TEX48: variants seen among roughly 807,000 people sequenced by gnomAD.
TEX48 encodes testis-expressed protein 48.
Under a neutral mutation model 13.2 loss-of-function variants are expected in TEX48, and 10 were observed. The ratio of observed to expected loss-of-function variants is 0.75; its 90% CI spans 0.47 to 1.28. The LOEUF is 1.28. Among genes scored for constraint, TEX48 ranks in the 50% most tolerant of loss-of-function variants. The pLI is 0.00. For missense variants in TEX48, 116 were observed against 139.4 expected, an observed-to-expected ratio of 0.83 and a Z score of 0.84; for synonymous variants, 45 against 52.3, an observed-to-expected ratio of 0.86 and a Z score of 0.60.
At chr9:114,667,388 T>C (rs78502077) in intron 4 of TEX48, among the ~76,000 whole-genome samples, 19,690 of 152,174 alleles carry the variant, frequency 0.13, 1,485 homozygotes, top group South Asian at 0.25. Context: ...GCCACTGTCC[T>C]GGGATTGGGC....
At chr9:114,671,883 C>A in intron 1 of TEX48, 56 bp from the exon 2 acceptor site, 1 of 747,998 alleles carries the variant, frequency 1.3e-6, no homozygotes, top group Non-Finnish European at 2.2e-6. Flanking sequence ...TGTGTTCACA[C>A]TCCAGATAGG....
intron 1 of TEX48, among the ~76,000 whole-genome samples, chr9:114,679,671 C>T (rs994539829): frequency 3.9e-5 from 6 of 152,156 alleles, no homozygotes; most frequent in Non-Finnish European, 8.8e-5. Flanking sequence ...GCATGATTCT[C>T]CAGCACCCAC....
chr9:114,673,491 A>G (rs1228751854), intron 1 of TEX48, among the ~76,000 whole-genome samples: 1 of 150,802 alleles, frequency 6.6e-6, no homozygotes, highest in Non-Finnish European at 1.5e-5. Flanking sequence ...AAAAGAAAAG[A>G]AAAGAAAATC....
chr9:114,676,084 T>G (rs58007505), intron 1 of TEX48, among the ~76,000 whole-genome samples: 2 of 152,214 alleles, frequency 1.3e-5, no homozygotes, highest in Admixed American at 6.5e-5. Context: ...TAATAAACAC[T>G]TGTTGAAACG....
In TEX48 at chr9:114,666,542, C is replaced by T; in HGVS notation, c.*101G>A. ...ACAAGGATGGCTCAGATGTCTTCTC[C>T]TCCTTCAGGGGAGTTTCCGAATTAG... is the stretch of plus-strand genomic sequence containing the variant. On this transcript the variant is annotated 3_prime_UTR_variant, in exon 5 of 5. Coordinates refer to ENST00000436752, the MANE Select transcript of TEX48 (RefSeq NM_001199233.2). 3 of 659,134 alleles carry T rather than the reference C, an allele frequency of 4.6e-6. No homozygotes were observed. The highest frequency in any genetic ancestry group is 7.6e-6 in the Non-Finnish European group (3 of 397,306). The allele number at this position is 659,134 out of a possible 1,614,324, so 40.8% of individuals were successfully genotyped here.
chr9:114,679,222 G>A (rs575314404), intron 1 of TEX48, among the ~76,000 whole-genome samples: 36 of 151,310 alleles, frequency 2.4e-4, no homozygotes, highest in Middle Eastern at 3.4e-3. Flanking sequence ...AATTCCATTA[G>A]TGTAGATATC....
At position 114,671,746 on chromosome 9, in the gene TEX48, T is replaced by C. The variant is rs1287664648; in HGVS notation, c.-23A>G. ...CATGGAAAGGAGTTGAAACTTCTAC[T>C]CTGCCAGCTTTGTCTGCAGGGGTGC... On this transcript the variant is annotated 5_prime_UTR_variant, in exon 2 of 5. Coordinates refer to ENST00000436752, the MANE Select transcript of TEX48 (RefSeq NM_001199233.2). 6.5e-7 allele frequency: 1 copy of C among 1,535,520 alleles called. No homozygotes were observed. The highest frequency in any genetic ancestry group is 8.7e-7 in the Non-Finnish European group (1 of 1,146,854).
chr9:114,672,057 C>T (rs1827958956), intron 1 of TEX48, among the ~76,000 whole-genome samples: 1 of 152,146 alleles, frequency 6.6e-6, no homozygotes, highest in South Asian at 2.1e-4. Context: ...AATAGCAGTG[C>T]CTACTTTGCA....
intron 3 of TEX48, among the ~76,000 whole-genome samples, chr9:114,668,597 T>C (rs1279335985): frequency 6.6e-6 from 1 of 152,252 alleles, no homozygotes; most frequent in African/African-American, 2.4e-5. Flanking sequence ...GTTACATGCA[T>C]AGAATGTGTA....
At chr9:114,673,721 G>A (rs575515416) in intron 1 of TEX48, among the ~76,000 whole-genome samples, 11 of 151,988 alleles carry the variant, frequency 7.2e-5, no homozygotes, top group Admixed American at 3.3e-4. Flanking sequence ...TGCTAAGATC[G>A]AAGGAAAATG....
intron 1 of TEX48, among the ~76,000 whole-genome samples, chr9:114,677,822 C>T (rs141965102): frequency 1.3e-5 from 2 of 151,734 alleles, no homozygotes; most frequent in East Asian, 1.9e-4. Context: ...ATCATGTGGC[C>T]TCTTTTAGGC....
Position 114,666,470 on chromosome 9 carries a change from T to C in TEX48, c.*173A>G, listed in dbSNP as rs181552382. 779 of 508,030 alleles carry C rather than the reference T, an allele frequency of 1.5e-3. 2 individuals are homozygous for C. Among genetic ancestry groups the C allele is most frequent in the Non-Finnish European group, 2.3e-3 (664 of 290,954 alleles). The allele number at this position is 508,030 out of a possible 1,614,324, so 31.5% of individuals were successfully genotyped here. On this transcript the variant is annotated 3_prime_UTR_variant, in exon 5 of 5. Coordinates refer to ENST00000436752, the MANE Select transcript of TEX48 (RefSeq NM_001199233.2). ...CAAGAACTTTAATTGGAGGCAGCTCTTCCCATGGTGGCTTTTTAGGAGCTG... is the reference window on the plus strand; with the variant it reads ...CAAGAACTTTAATTGGAGGCAGCTCCTCCCATGGTGGCTTTTTAGGAGCTG...
intron 1 of TEX48, among the ~76,000 whole-genome samples, chr9:114,674,344 G>T (rs985529180): frequency 6.6e-6 from 1 of 151,976 alleles, no homozygotes; most frequent in African/African-American, 2.4e-5. Flanking sequence ...AACAATTTGT[G>T]CTTGTTTTAC....
At chr9:114,674,237 C>T (rs1828007823) in intron 1 of TEX48, among the ~76,000 whole-genome samples, 1 of 152,146 alleles carries the variant, frequency 6.6e-6, no homozygotes. Flanking sequence ...CCTGTCCACC[C>T]ACAACCCTCA....
In TEX48 at chr9:114,666,729, A is replaced by G. The variant is rs140513600; in HGVS notation, c.277T>C (p.Ser93Pro). Reference sequence around the variant, plus strand: ...TTTCTCTTGTAAAAATTTCTTTGGGAAGCATATGCATTCAGATCTGAAAGA... The same window carrying G: ...TTTCTCTTGTAAAAATTTCTTTGGGGAGCATATGCATTCAGATCTGAAAGA... ...SEFEDLNAYA[S>P]QRNFYKRNLN... Residue 93 changes from serine to proline, a missense_variant, in exon 5 of 5, where the codon TCC (serine) becomes CCC (proline). Physicochemically the swap from Ser to Pro is moderately conservative, Grantham distance 74 (BLOSUM62 -1). Transcript: ENST00000436752. 193 of 1,529,538 alleles carry G rather than the reference A, an allele frequency of 1.3e-4. No individual in the cohort carries two copies. In the African/African-American group the frequency reaches 2.2e-3, roughly 18 times the overall value. 94.7% of individuals were successfully genotyped at this position (1,529,538 alleles called of 1,614,324 possible).
intron 1 of TEX48, among the ~76,000 whole-genome samples, chr9:114,674,224 C>T (rs1828007471): frequency 6.6e-6 from 1 of 152,114 alleles, no homozygotes; most frequent in Non-Finnish European, 1.5e-5. Context: ...ATCCTTCTTC[C>T]CTCCTGTCCA....
chr9:114,670,296 T>G (rs139469144), intron 3 of TEX48, among the ~76,000 whole-genome samples: 1 of 152,298 alleles, frequency 6.6e-6, no homozygotes, highest in East Asian at 1.9e-4. Flanking sequence ...ATTGATATTT[T>G]TAAGGTTCCT....
At chr9:114,678,423 G>A (rs891136425) in intron 1 of TEX48, among the ~76,000 whole-genome samples, 3 of 152,218 alleles carry the variant, frequency 2.0e-5, no homozygotes, top group Non-Finnish European at 4.4e-5. Flanking sequence ...TAAGAGTTGA[G>A]TTGGGTAAAA....
At position 114,674,095 on chromosome 9, in the gene TEX48, C is replaced by T. The variant is rs547810212; in HGVS notation, c.-104-2268G>A. ...TGCTGGGATTACAGGAGTGAGTCACCGCGCCTGGCCAGAAAGATTTTTTCT... is the reference window on the plus strand; with the variant it reads ...TGCTGGGATTACAGGAGTGAGTCACTGCGCCTGGCCAGAAAGATTTTTTCT... On this transcript the variant is annotated intron_variant, in intron 1 of 4. Transcript: ENST00000436752. 9.9e-5 allele frequency among the ~76,000 whole-genome samples: 15 copies of T among 152,240 alleles called. No individual in the cohort carries two copies. In the South Asian group the frequency reaches 2.7e-3, roughly 27 times the overall value.
Sources: gnomAD v4.1 joint callset for allele counts (sites outside exome capture counted in the v4.1 genomes callset) on GRCh38, gnomAD v4.1.1 for gene constraint, MANE v1.5 for transcripts, NCBI Gene and HGNC (gene_info 2026-07-23, HGNC 2026-07-21) for gene names.